CS: variants seen among roughly 807,000 people sequenced by gnomAD.
The protein encoded by CS is citrate synthase, mitochondrial.
CS carries 13 observed loss-of-function variants against 61.4 expected under a neutral mutation model. The ratio of observed to expected loss-of-function variants is 0.21; its 90% CI spans 0.14 to 0.34. CS has a LOEUF of 0.34. CS is among the 10% of genes least tolerant of loss of function. The pLI, the probability that CS is intolerant of heterozygous loss-of-function variation, is 1.00. For missense variants in CS, 278 were observed against 573.4 expected, an observed-to-expected ratio of 0.48 and a Z score of 5.26; for synonymous variants, 159 against 215.2, an observed-to-expected ratio of 0.74 and a Z score of 2.29.
chr12:56,289,379 C>G (rs1420422678), intron 1 of CS, among the ~76,000 whole-genome samples: 1 of 152,088 alleles, frequency 6.6e-6, no homozygotes, highest in African/African-American at 2.4e-5. Context: ...CTACATCAGC[C>G]CAGCAGGAGA....
intron 9 of CS, 178 bp downstream of exon 9, chr12:56,274,599 G>T: frequency 1.9e-6 from 1 of 537,226 alleles, no homozygotes; most frequent in Non-Finnish European, 3.2e-6. Context: ...AAGTAGGTGG[G>T]ACTACAGGTG....
intron 1 of CS, among the ~76,000 whole-genome samples, chr12:56,292,754 AT>A (rs1256869951): frequency 1.0e-4 from 15 of 147,514 alleles, no homozygotes; most frequent in African/African-American, 3.5e-4. Context: ...AAAAAAAAAA[AT>A]TAGCCGGGCG....
In CS at chr12:56,296,961, G is replaced by A. The variant is rs1416633465; in HGVS notation, c.42+3199C>T. Reference sequence around the variant, plus strand: ...TATTTTGCAGGACAAAACCAACTCGGTTTTGTTGAACCCAATTTCTGAGTA... The same window carrying A: ...TATTTTGCAGGACAAAACCAACTCGATTTTGTTGAACCCAATTTCTGAGTA... On this transcript the variant is annotated intron_variant, in intron 1 of 10. Coordinates refer to ENST00000351328, the MANE Select transcript of CS (RefSeq NM_004077.3). 2.0e-5 allele frequency among the ~76,000 whole-genome samples: 3 copies of A among 152,254 alleles called. No individual in the cohort carries two copies. In the South Asian group the frequency reaches 6.2e-4, roughly 32 times the overall value.
At chr12:56,291,844 C>A (rs1873133706) in intron 1 of CS, 1 of 152,334 alleles carries the variant, frequency 6.6e-6, no homozygotes, top group South Asian at 2.1e-4. Flanking sequence ...GGGCCTGGCT[C>A]ACAATGTCTG....
intron 1 of CS, chr12:56,298,730 T>C: frequency 2.1e-6 from 2 of 965,494 alleles, no homozygotes; most frequent in Non-Finnish European, 2.5e-6. Flanking sequence ...TTTCACTTTG[T>C]GCCAACCATG....
intron 6 of CS, among the ~76,000 whole-genome samples, chr12:56,280,716 AAAAT>A (rs986607563): frequency 3.3e-5 from 5 of 152,280 alleles, no homozygotes; most frequent in African/African-American, 7.2e-5. Context: ...CCATCTCAAA[AAAAT>A]AAATAAATAA....
Position 56,276,089 on chromosome 12 carries a change from G to C in CS, c.695C>G (p.Ser232Cys), listed in dbSNP as rs1872616491. The change falls in exon 7 of 11, where the codon TCT becomes TGT. Residue 232 changes from serine (S) to cysteine (C), a missense_variant. Ser to Cys is a moderately radical substitution (Grantham distance 112, BLOSUM62 -1). Around this residue, in one of 2 missense-constraint regions of CS, gnomAD observed 223 missense variants for 503.5 expected, o/e 0.44. Transcript: ENST00000351328. Reference protein sequence around the residue: ...REGSGIGAIDSNLDWSHNFTN... With the variant: ...REGSGIGAIDCNLDWSHNFTN... ...GAAATTGTGAGACCAGTCCAGGTTA[G>C]AGTCAATGGCCCCAATACCGCTGCC... is the stretch of plus-strand genomic sequence containing the variant. The C allele has an allele frequency of 6.2e-7, 1 of 1,614,138 alleles. No homozygotes were observed. Among genetic ancestry groups the C allele is most frequent in the African/African-American group, 1.3e-5 (1 of 75,034 alleles).
intron 1 of CS, among the ~76,000 whole-genome samples, chr12:56,296,802 C>T (rs1272341952): frequency 6.6e-6 from 1 of 152,198 alleles, no homozygotes; most frequent in African/African-American, 2.4e-5. Flanking sequence ...TCACCACTAA[C>T]ACCCCATAAG....
intron 6 of CS, among the ~76,000 whole-genome samples, chr12:56,277,079 C>T (rs1383065796): frequency 1.3e-5 from 2 of 151,196 alleles, no homozygotes; most frequent in African/African-American, 4.9e-5. Flanking sequence ...GGGCCGGCGC[C>T]TATAATCCCA....
chr12:56,286,307 TAAAAATGATTA>T, intron 2 of CS: 2 of 529,056 alleles, frequency 3.8e-6, no homozygotes, highest in Non-Finnish European at 6.7e-6. Context: ...ACCATATACT[TAAAAATGATTA>T]AAATGGTAAA....
intron 7 of CS, 71 bp from the exon 8 acceptor site, chr12:56,275,202 T>G: frequency 1.3e-6 from 2 of 1,590,918 alleles, no homozygotes; most frequent in South Asian, 1.1e-5. Flanking sequence ...TGCTGTTCTC[T>G]TATTTGCCAC....
At chr12:56,296,870 C>T (rs1019506373) in intron 1 of CS, among the ~76,000 whole-genome samples, 2 of 152,140 alleles carry the variant, frequency 1.3e-5, no homozygotes, top group African/African-American at 4.8e-5. Context: ...GGCTGATAGT[C>T]AAAGTGAGGG....
intron 4 of CS, among the ~76,000 whole-genome samples, chr12:56,283,303 G>A (rs565126614): frequency 2.6e-5 from 4 of 152,112 alleles, no homozygotes; most frequent in Admixed American, 6.6e-5. Context: ...GAGTGCAGTG[G>A]TGCGATCTCG....
chr12:56,288,404 T>G (rs1027716656), intron 1 of CS, among the ~76,000 whole-genome samples: 45 of 148,172 alleles, frequency 3.0e-4, no homozygotes, highest in African/African-American at 5.7e-4. Context: ...CAGGCTGAAG[T>G]GCAGTGGCGT....
intron 1 of CS, among the ~76,000 whole-genome samples, chr12:56,294,505 T>TGATC (rs1196854131): frequency 6.8e-6 from 1 of 146,612 alleles, no homozygotes; most frequent in East Asian, 2.0e-4. Flanking sequence ...AAAGATGCAC[T>TGATC]GATCACTCAG....
intron 6 of CS, among the ~76,000 whole-genome samples, chr12:56,277,694 G>A (rs1179636401): frequency 6.9e-5 from 10 of 145,206 alleles, no homozygotes; most frequent in Non-Finnish European, 1.1e-4. Flanking sequence ...ACAGTGGCGC[G>A]ATCTCGGCTC....
intron 3 of CS, among the ~76,000 whole-genome samples, chr12:56,284,862 G>T (rs1332183141): frequency 7.2e-6 from 1 of 139,334 alleles, no homozygotes; most frequent in Admixed American, 7.6e-5. Context: ...TCACGTCACT[G>T]TACTCCAGCC....
In CS at chr12:56,280,416, C is replaced by CAAAAAAAAAAAAA. The variant is rs1190260476; in HGVS notation, c.588+2003_588+2004insTTTTTTTTTTTTT. On this transcript the variant is annotated intron_variant, in intron 6 of 10. Transcript: ENST00000351328. ...GGTGACAGTGCAAGACACCGTCTCC[C>CAAAAAAAAAAAAA]AAAAAAAACAAAAAAAAAAAACAAA... Among the ~76,000 whole-genome samples, 6 of 89,798 alleles carry CAAAAAAAAAAAAA rather than the reference C, an allele frequency of 6.7e-5. 1 individual carries two copies. The highest frequency in any genetic ancestry group is 8.4e-5 in the Non-Finnish European group (4 of 47,594). 58.9% of individuals were successfully genotyped at this position (89,798 alleles called of 152,430 possible). A position where few individuals can be genotyped will look rare whatever the true frequency, so the allele number is the denominator to read the frequency against.
At chr12:56,275,400 C>T in intron 7 of CS, 2 of 356,194 alleles carry the variant, frequency 5.6e-6, no homozygotes, top group Non-Finnish European at 5.3e-6. Context: ...TGGTGAAACC[C>T]CGTCTCTGCT....
Sources: allele counts gnomAD v4.1 joint callset (sites outside exome capture counted in the v4.1 genomes callset), GRCh38; gene constraint gnomAD v4.1.1; regional missense constraint gnomAD v4.1.1; transcripts MANE v1.5; gene names NCBI Gene and HGNC (gene_info 2026-07-23, HGNC 2026-07-21).